SEMA3A: variants seen among roughly 807,000 people sequenced by gnomAD.
SEMA3A encodes semaphorin-3A.
In SEMA3A, 29 loss-of-function variants were observed where a neutral mutation model predicts 97.9. That is an observed-to-expected ratio of 0.30 (90% CI 0.22 to 0.40). The LOEUF (loss-of-function observed/expected upper bound fraction) is 0.40. Among genes scored for constraint, SEMA3A ranks in the 10% least tolerant of loss-of-function variants. The pLI, the probability that SEMA3A is intolerant of heterozygous loss-of-function variation, is 1.00. For synonymous variants in SEMA3A, 321 were observed against 323.7 expected (o/e 0.99, Z 0.09); for missense variants, 763 against 951.3 (o/e 0.80, Z 2.60).
Position 84,134,889 on chromosome 7 carries a change from TATG to T in SEMA3A, c.172_174del (p.His58del). The T allele has an allele frequency of 1.2e-6, 2 of 1,613,894 alleles. No homozygotes were observed. The highest frequency in any genetic ancestry group is 1.7e-6 in the Non-Finnish European group (2 of 1,179,834). ...CTCCGTTCCTCATCCAAAAGGAAGG[TATG>T]ATAACTGGAGCTGTTGGCCAAGCCA... On this transcript the variant is annotated inframe_deletion, in exon 2 of 17. Transcript: ENST00000265362.
chr7:84,171,579 T>A (rs1797382512), intron 1 of SEMA3A, among the ~76,000 whole-genome samples: 1 of 152,136 alleles, frequency 6.6e-6, no homozygotes, highest in Admixed American at 6.5e-5. Context: ...ATATGCAAAT[T>A]AAGTTTCTAT....
At chr7:84,013,804 A>C (rs1303486055) in intron 7 of SEMA3A, among the ~76,000 whole-genome samples, 1 of 152,182 alleles carries the variant, frequency 6.6e-6, no homozygotes, top group Non-Finnish European at 1.5e-5. Flanking sequence ...CTGAGATTGC[A>C]TCACTACACT....
At chr7:84,436,152 C>A (rs1300108405) in intron 1 of SEMA3A, among the ~76,000 whole-genome samples, 2 of 151,868 alleles carry the variant, frequency 1.3e-5, no homozygotes, top group African/African-American at 4.8e-5. Context: ...AACTGGACCC[C>A]TACTTTTTAC....
chr7:84,217,182 C>G (rs920815288), intron 3 of SEMA3A, among the ~76,000 whole-genome samples: 2 of 152,140 alleles, frequency 1.3e-5, no homozygotes, highest in South Asian at 2.1e-4. Flanking sequence ...GAATGCCTCT[C>G]TTTGATAGAC....
chr7:84,313,378 ATATATATATATATATATATATATATAT>A (rs1801407529), intron 2 of SEMA3A, among the ~76,000 whole-genome samples: 3 of 81,366 alleles, frequency 3.7e-5, no homozygotes, highest in Non-Finnish European at 7.9e-5. Flanking sequence ...ATATATATAT[ATATATATATATATATATATATATATAT>A]AAACTATACG....
intron 1 of SEMA3A, among the ~76,000 whole-genome samples, chr7:84,454,220 T>TA (rs1244764286): frequency 6.6e-6 from 1 of 152,222 alleles, no homozygotes; most frequent in Admixed American, 6.5e-5. Context: ...TGCCATTTTT[T>TA]ATTCTTATTT....
chr7:84,376,603 CAAAAAAAAAAA>C (rs60380985), intron 1 of SEMA3A, among the ~76,000 whole-genome samples: 1,364 of 36,440 alleles, frequency 0.037, 70 homozygotes, highest in African/African-American at 0.13. Context: ...GACTCCGTCT[CAAAAAAAAAAA>C]AAAAAAAAAA....
intron 12 of SEMA3A, among the ~76,000 whole-genome samples, 187 bp from the exon 13 acceptor site, chr7:83,985,664 A>G (rs926984755): frequency 2.6e-5 from 4 of 152,210 alleles, no homozygotes; most frequent in Admixed American, 2.6e-4. Flanking sequence ...GGAGCAGGCA[A>G]TAAGATTGTG....
chr7:84,174,464 G>A (rs992656888), intron 1 of SEMA3A, among the ~76,000 whole-genome samples: 25 of 152,108 alleles, frequency 1.6e-4, no homozygotes, highest in African/African-American at 5.3e-4. Context: ...TAGAAGTTTC[G>A]CTTGAGCTTT....
chr7:84,244,120 C>T (rs1799426653), intron 3 of SEMA3A, among the ~76,000 whole-genome samples: 1 of 152,108 alleles, frequency 6.6e-6, no homozygotes, highest in Non-Finnish European at 1.5e-5. Context: ...CCCCTTGGTC[C>T]AGAGCTGAGT....
intron 5 of SEMA3A, among the ~76,000 whole-genome samples, chr7:84,056,370 T>C (rs1396568839): frequency 2.0e-5 from 3 of 152,208 alleles, no homozygotes; most frequent in Non-Finnish European, 2.9e-5. Flanking sequence ...TGTATTGGAT[T>C]ACAATTCCTA....
intron 1 of SEMA3A, among the ~76,000 whole-genome samples, chr7:84,380,550 T>C (rs1480917325): frequency 1.3e-5 from 2 of 152,146 alleles, no homozygotes; most frequent in Non-Finnish European, 2.9e-5. Flanking sequence ...AGATTATGAA[T>C]AAATTCAAGA....
At chr7:84,421,558 A>G (rs1245699776) in intron 1 of SEMA3A, among the ~76,000 whole-genome samples, 1 of 152,088 alleles carries the variant, frequency 6.6e-6, no homozygotes. Flanking sequence ...ACTATGTTGA[A>G]TAGGAGTGGT....
chr7:84,313,392 ATATATATATATAT>A lies in SEMA3A; in HGVS notation c.-168-6113_-168-6101del, dbSNP rs1562898809. 1.3e-3 allele frequency among the ~76,000 whole-genome samples: 136 copies of A among 103,044 alleles called. 3 individuals are homozygous for A. The highest frequency in any genetic ancestry group is 4.3e-3 in the African/African-American group (133 of 31,118). 67.6% of individuals were successfully genotyped at this position (103,044 alleles called of 152,430 possible). A position where few individuals can be genotyped will look rare whatever the true frequency, so the allele number is the denominator to read the frequency against. Reference sequence around the variant, plus strand: ...TATATATATATATATATATATATATATATATATATATATAAACTATACGTGACTCCTGATAAGA... The same window carrying A: ...TATATATATATATATATATATATATAAAACTATACGTGACTCCTGATAAGA... On this transcript the variant is annotated intron_variant, in intron 2 of 3. Coordinates refer to the SEMA3A transcript ENST00000424555.
intron 1 of SEMA3A, among the ~76,000 whole-genome samples, chr7:84,407,235 C>A (rs1351338707): frequency 2.0e-5 from 3 of 152,292 alleles, no homozygotes; most frequent in East Asian, 3.9e-4. Flanking sequence ...GCAAAAATCA[C>A]AAGCATTTTT....
Position 83,967,689 on chromosome 7 carries a change from A to G in SEMA3A, c.1718-4342T>C, listed in dbSNP as rs150147252. Among the ~76,000 whole-genome samples, 385 of 152,248 alleles carry G rather than the reference A, an allele frequency of 2.5e-3. 1 individual carries two copies. Among genetic ancestry groups the G allele is most frequent in the African/African-American group, 8.9e-3 (369 of 41,548 alleles). On this transcript the variant is annotated intron_variant, in intron 15 of 16. Coordinates refer to ENST00000265362, the MANE Select transcript of SEMA3A (RefSeq NM_006080.3). The stretch of plus-strand genomic sequence containing the variant: ...AGAAGCGCTTGAATCTGGGAAGCGG[A>G]GGTTGCAGTGAGCCAAGATCGACCC...
chr7:83,977,600 C>CT (rs528409676), intron 14 of SEMA3A, among the ~76,000 whole-genome samples: 1 of 151,710 alleles, frequency 6.6e-6, no homozygotes, highest in African/African-American at 2.4e-5. Flanking sequence ...GTAAATTAAA[C>CT]TTTTTTTCTG....
intron 2 of SEMA3A, among the ~76,000 whole-genome samples, chr7:84,327,834 G>T (rs955682670): frequency 6.6e-6 from 1 of 151,946 alleles, no homozygotes; most frequent in Admixed American, 6.6e-5. Flanking sequence ...ATGGAACATG[G>T]TCTCTTTGAT....
At chr7:84,312,221 G>T (rs895598156) in intron 2 of SEMA3A, among the ~76,000 whole-genome samples, 2 of 151,806 alleles carry the variant, frequency 1.3e-5, no homozygotes, top group African/African-American at 4.8e-5. Context: ...AGATCATAAA[G>T]AATATACAAA....
Sources: allele counts gnomAD v4.1 joint callset (sites outside exome capture counted in the v4.1 genomes callset), GRCh38; gene constraint gnomAD v4.1.1; transcripts MANE v1.5; gene names NCBI Gene and HGNC (gene_info 2026-07-23, HGNC 2026-07-21).